The following KLHL1 variants were observed in gnomAD, a reference collection of about 807,000 sequenced individuals.
The protein encoded by KLHL1 is kelch-like protein 1.
In KLHL1, 47 loss-of-function variants were observed where a neutral mutation model predicts 77.7. That is an observed-to-expected ratio of 0.60 (90% CI 0.48 to 0.77). KLHL1 has a LOEUF of 0.77. Ranked by LOEUF, KLHL1 falls within the 30% of genes least tolerant of loss-of-function variation. The probability of loss-of-function intolerance (pLI) is 0.00; values close to 1 mark genes in which losing one functional copy is unlikely to be tolerated. For synonymous variants in KLHL1, 360 were observed against 325.2 expected (o/e 1.11, Z -1.15); for missense variants, 925 against 910.8 (o/e 1.02, Z -0.20).
chr13:70,045,725 G>A (rs2077151148), intron 1 of KLHL1, among the ~76,000 whole-genome samples: 1 of 152,002 alleles, frequency 6.6e-6, no homozygotes, highest in African/African-American at 2.4e-5. Context: ...GTAACTAAAG[G>A]ACATTCCTGT....
chr13:70,106,907 A>C (rs986372890), intron 1 of KLHL1, among the ~76,000 whole-genome samples: 8 of 152,232 alleles, frequency 5.3e-5, no homozygotes, highest in African/African-American at 1.9e-4. Context: ...GAAGAACACC[A>C]TAATCTCAGG....
intron 4 of KLHL1, among the ~76,000 whole-genome samples, chr13:69,923,755 G>A (rs949875333): frequency 6.6e-6 from 1 of 152,110 alleles, no homozygotes; most frequent in African/African-American, 2.4e-5. Context: ...CAGTGGAGGA[G>A]GTGCAGCCAG....
chr13:70,019,582 T>C (rs1236822640), intron 1 of KLHL1, among the ~76,000 whole-genome samples: 7 of 152,174 alleles, frequency 4.6e-5, no homozygotes, highest in Admixed American at 4.6e-4. Flanking sequence ...GCATATATTA[T>C]CACTTTAATC....
intron 1 of KLHL1, among the ~76,000 whole-genome samples, chr13:69,999,513 C>G (rs151066739): frequency 6.6e-6 from 1 of 152,144 alleles, no homozygotes; most frequent in African/African-American, 2.4e-5. Context: ...TAAACTTTCC[C>G]TTCTGCATTT....
At chr13:70,060,699 A>G (rs1439231876) in intron 1 of KLHL1, among the ~76,000 whole-genome samples, 2 of 152,088 alleles carry the variant, frequency 1.3e-5, no homozygotes. Flanking sequence ...ACAAAAAATT[A>G]GCTGGGCATG....
chr13:70,021,604 G>A (rs1885796655), intron 1 of KLHL1, among the ~76,000 whole-genome samples: 1 of 151,990 alleles, frequency 6.6e-6, no homozygotes, highest in Non-Finnish European at 1.5e-5. Flanking sequence ...TCCCAAAGTA[G>A]CTGTGCTATT....
At position 70,086,592 on chromosome 13, in the gene KLHL1, AAGAAAGAAAGAAAGAAAG is replaced by A. The variant is rs1356963948; in HGVS notation, c.497+20593_497+20610del. ...TGTCTCAAAAAAAAAAAAAAAAAAAAAGAAAGAAAGAAAGAAAGAAAGAAAGAAAGAAAGAAAGAAAAA... is the reference window on the plus strand; with the variant it reads ...TGTCTCAAAAAAAAAAAAAAAAAAAAAAAGAAAGAAAGAAAGAAAGAAAAA... On this transcript the variant is annotated intron_variant, in intron 1 of 10. Transcript: ENST00000377844. Among the ~76,000 whole-genome samples, 90 of 36,486 alleles carry A rather than the reference AAGAAAGAAAGAAAGAAAG, an allele frequency of 2.5e-3. 2 individuals carry two copies. The highest frequency in any genetic ancestry group is 6.5e-3 in the African/African-American group (69 of 10,690). The allele number at this position is 36,486 out of a possible 152,430, so 23.9% of individuals were successfully genotyped here. A position where few individuals can be genotyped will look rare whatever the true frequency, so the allele number is the denominator to read the frequency against.
intron 4 of KLHL1, among the ~76,000 whole-genome samples, chr13:69,887,219 A>G (rs1322127670): frequency 6.6e-6 from 1 of 152,132 alleles, no homozygotes; most frequent in South Asian, 2.1e-4. Flanking sequence ...AGAAAAATTA[A>G]TCTTTTGACT....
At chr13:69,947,784 C>T (rs1438804305) in intron 3 of KLHL1, among the ~76,000 whole-genome samples, 2 of 152,074 alleles carry the variant, frequency 1.3e-5, no homozygotes, top group Non-Finnish European at 2.9e-5. Context: ...AATTAAGCTA[C>T]CTCATGCATG....
intron 7 of KLHL1, among the ~76,000 whole-genome samples, chr13:69,782,238 C>T (rs568698963): frequency 1.2e-4 from 18 of 152,326 alleles, no homozygotes; most frequent in East Asian, 3.9e-4. Context: ...GCGTGAGCGA[C>T]GCAGAAGATG....
intron 6 of KLHL1, among the ~76,000 whole-genome samples, chr13:69,801,425 G>C (rs1224205486): frequency 1.3e-5 from 2 of 152,114 alleles, no homozygotes; most frequent in African/African-American, 2.4e-5. Flanking sequence ...ATTAGGAGTG[G>C]TTATATCCAC....
chr13:70,030,419 A>G (rs1382582214), intron 1 of KLHL1, among the ~76,000 whole-genome samples: 4 of 152,208 alleles, frequency 2.6e-5, no homozygotes, highest in Admixed American at 2.6e-4. Flanking sequence ...CAATCAAACT[A>G]GAACTCAGGA....
Position 70,107,213 on chromosome 13 carries a change from A to T in KLHL1, c.487T>A (p.Cys163Ser). The T allele has an allele frequency of 6.2e-7, 1 of 1,608,396 alleles. No homozygotes were observed. Among genetic ancestry groups the T allele is most frequent in the Non-Finnish European group, 8.5e-7 (1 of 1,176,950 alleles). ...DNSSQATGEG[C>S]GHRLSSTGHS... ...GGGGACTTACTGTACCTGTGTCCAC[A>T]TCCTTCACCTGTTGCCTGGCTAGAG... The change falls in exon 1 of 11, where the codon TGT (cysteine) becomes AGT (serine). Residue 163 changes from cysteine (C) to serine (S), a missense_variant. Physicochemically the swap from Cys to Ser is moderately radical, Grantham distance 112. Coordinates refer to ENST00000377844, the MANE Select transcript of KLHL1 (RefSeq NM_020866.3).
chr13:69,995,520 A>G (rs563120407), intron 1 of KLHL1, among the ~76,000 whole-genome samples: 1 of 152,280 alleles, frequency 6.6e-6, no homozygotes, highest in African/African-American at 2.4e-5. Context: ...TTCACTGATT[A>G]TAAGGCTGGA....
chr13:70,068,157 C>T (rs1419685240), intron 1 of KLHL1, among the ~76,000 whole-genome samples: 9 of 151,524 alleles, frequency 5.9e-5, no homozygotes, highest in African/African-American at 2.2e-4. Context: ...CTGGCTAACA[C>T]GGTGAAAACC....
At chr13:69,856,930 CTT>C (rs1879941314) in intron 5 of KLHL1, among the ~76,000 whole-genome samples, 1 of 152,028 alleles carries the variant, frequency 6.6e-6, no homozygotes, top group Non-Finnish European at 1.5e-5. Context: ...AGTCACTTCT[CTT>C]AGCATTTGAT....
intron 5 of KLHL1, among the ~76,000 whole-genome samples, chr13:69,846,628 A>G (rs572848096): frequency 6.6e-6 from 1 of 151,512 alleles, no homozygotes; most frequent in South Asian, 2.1e-4. Flanking sequence ...TATATATATG[A>G]ATAAATACAT....
chr13:69,871,388 T>A (rs1880580951), intron 5 of KLHL1, among the ~76,000 whole-genome samples: 1 of 152,158 alleles, frequency 6.6e-6, no homozygotes, highest in African/African-American at 2.4e-5. Context: ...CCCACGATCT[T>A]GACTGTTAGC....
intron 3 of KLHL1, among the ~76,000 whole-genome samples, chr13:69,953,962 G>T (rs143725008): frequency 0.01 from 1,567 of 151,178 alleles, 27 homozygotes; most frequent in African/African-American, 0.035. Flanking sequence ...TTATAAGTTT[G>T]CTCCTTAAAA....
Sources: gnomAD v4.1 joint callset for allele counts (sites outside exome capture counted in the v4.1 genomes callset) on GRCh38, gnomAD v4.1.1 for gene constraint, MANE v1.5 for transcripts, NCBI Gene and HGNC (gene_info 2026-07-23, HGNC 2026-07-21) for gene names.